Variants in CIITA observed in about 807,000 individuals in gnomAD.
CIITA encodes the protein MHC class II transactivator.
CIITA carries 72 observed loss-of-function variants against 115.1 expected under a neutral mutation model. The observed-to-expected ratio is 0.63, with a 90% confidence interval of 0.52 to 0.76. The LOEUF (loss-of-function observed/expected upper bound fraction) is 0.76, where lower values mean the gene tolerates loss of function less well. Among genes scored for constraint, CIITA ranks in the 30% least tolerant of loss-of-function variants. The pLI is 0.00. For synonymous variants in CIITA, 763 were observed against 635.6 expected, an observed-to-expected ratio of 1.20 and a Z score of -3.02; for missense variants, 1,617 against 1,463.8, an observed-to-expected ratio of 1.10 and a Z score of -1.71.
At chr16:10,889,817 C>G (rs371787826) in intron 1 of CIITA, among the ~76,000 whole-genome samples, 2 of 152,196 alleles carry the variant, frequency 1.3e-5, no homozygotes, top group African/African-American at 4.8e-5. Context: ...TTCTCCAGAA[C>G]TAATATTGGG....
In CIITA at chr16:10,903,803, A is replaced by G; in HGVS notation, c.845A>G (p.Asp282Gly). 1 of 1,614,046 alleles carries G rather than the reference A, an allele frequency of 6.2e-7. No individual in the cohort carries two copies. The highest frequency in any genetic ancestry group is 1.1e-5 in the South Asian group (1 of 91,068). ...FTVHGLPTSPDRPGSTSPFAP... is the reference protein window; with the variant it reads ...FTVHGLPTSPGRPGSTSPFAP... ...GTCCACGGCCTCCCAACATCTCCAGACCGGCCAGGCTCCACCAGCCCCTTC... is the reference window on the plus strand; with the variant it reads ...GTCCACGGCCTCCCAACATCTCCAGGCCGGCCAGGCTCCACCAGCCCCTTC... Residue 282 changes from aspartate (D) to glycine (G), a missense_variant, in exon 9 of 20, where the codon GAC becomes GGC. Coordinates refer to ENST00000324288, the MANE Select transcript of CIITA (RefSeq NM_000246.4).
At chr16:10,909,303 AT>A in intron 12 of CIITA, 116 bp downstream of exon 12, 1 of 1,089,266 alleles carries the variant, frequency 9.2e-7, no homozygotes, top group East Asian at 2.5e-5. Flanking sequence ...GGGACACCCC[AT>A]GCCCTCTTTC....
chr16:10,900,121 C>T (rs2038570144), intron 5 of CIITA, among the ~76,000 whole-genome samples: 1 of 152,092 alleles, frequency 6.6e-6, no homozygotes, highest in African/African-American at 2.4e-5. Flanking sequence ...AAAAAAAAAT[C>T]TCCCTCCCAC....
In CIITA at chr16:10,934,274, A is replaced by AT. The variant is rs2040928189; in HGVS notation, c.*10425dup. 6.6e-6 allele frequency: 1 copy of AT among 152,204 alleles called. No individual in the cohort carries two copies. The highest frequency in any genetic ancestry group is 2.1e-4 in the South Asian group (1 of 4,822). The allele number at this position is 152,204 out of a possible 1,614,324, so 9.4% of individuals were successfully genotyped here. ...AAACCAATGTACTTTTTAAACTCCA[A>AT]TTTTTTAATAAGATCATTTATGTCA... On this transcript the variant is annotated 3_prime_UTR_variant, in exon 20 of 20. Coordinates refer to ENST00000324288, the MANE Select transcript of CIITA (RefSeq NM_000246.4). The surrounding 1 kb of genome is among the most constrained non-coding windows in gnomAD (Gnocchi z 4.2).
chr16:10,868,166 G>A (rs1401136950), intron 1 of CIITA, among the ~76,000 whole-genome samples: 1 of 152,136 alleles, frequency 6.6e-6, no homozygotes, highest in African/African-American at 2.4e-5. Context: ...GCCAGAAACA[G>A]CCTAAGCGCA....
intron 13 of CIITA, 152 bp from the exon 14 acceptor site, chr16:10,915,418 G>A: frequency 1.4e-6 from 1 of 699,494 alleles, no homozygotes; most frequent in Non-Finnish European, 2.6e-6. Context: ...CTACGTGGAA[G>A]GGTTGCAGGG....
chr16:10,906,411 A>C, intron 10 of CIITA, 88 bp from the exon 11 acceptor site: 1 of 1,415,268 alleles, frequency 7.1e-7, no homozygotes, highest in Non-Finnish European at 9.9e-7. Flanking sequence ...ACAGATGTAA[A>C]TGATGGTGGC....
chr16:10,866,546 G>A, intron 1 of CIITA: 1 of 548,906 alleles, frequency 1.8e-6, no homozygotes, highest in Non-Finnish European at 3.6e-6. Context: ...GCAGCCGAGA[G>A]GGGCCCCGGC....
In CIITA at chr16:10,934,662, C is replaced by A. The variant is rs751129176; in HGVS notation, c.*10807C>A. 1 of 152,180 alleles carries A rather than the reference C, an allele frequency of 6.6e-6. No homozygotes were observed. The highest frequency in any genetic ancestry group is 2.1e-4 in the South Asian group (1 of 4,826). The allele number at this position is 152,180 out of a possible 1,614,324, so 9.4% of individuals were successfully genotyped here. A position where few individuals can be genotyped will look rare whatever the true frequency, so the allele number is the denominator to read the frequency against. On this transcript the variant is annotated 3_prime_UTR_variant, in exon 20 of 20. Coordinates refer to ENST00000324288, the MANE Select transcript of CIITA (RefSeq NM_000246.4). The surrounding 1 kb of genome is among the most constrained non-coding windows in gnomAD (Gnocchi z 4.2). Reference sequence around the variant, plus strand: ...CCTGGTCTAATGGAACCCTCCTTGGCGGCTTCACAGGGTGATGCTTGGGGC... The same window carrying A: ...CCTGGTCTAATGGAACCCTCCTTGGAGGCTTCACAGGGTGATGCTTGGGGC...
In CIITA at chr16:10,902,048, C is replaced by G. The variant is rs142478532; in HGVS notation, c.492C>G (p.Pro164=). Residue 164 remains proline (P), a synonymous_variant, in exon 7 of 20, where the codon CCC becomes CCG. Transcript: ENST00000324288. ...CCCACTTCCTCACAGCTGAGCCCCCCACTGTGGTGACTGGCAGTCTCCTAG... is the reference window on the plus strand; with the variant it reads ...CCCACTTCCTCACAGCTGAGCCCCCGACTGTGGTGACTGGCAGTCTCCTAG... ...DLKHWKPAEP[P]TVVTGSLLVG... The G allele has an allele frequency of 3.1e-6, 5 of 1,614,020 alleles. No individual in the cohort carries two copies. The Admixed American group carries it at 6.7e-5, about 22-fold the overall frequency.
In CIITA at chr16:10,923,819, A is replaced by G. The variant is rs924272597; in HGVS notation, c.*23-59A>G. ...CTTGATAGCACCCTTCCCAGGTGTCAAGCTGCCCCTCCTAGAGTGTCCTGC... is the reference window on the plus strand; with the variant it reads ...CTTGATAGCACCCTTCCCAGGTGTCGAGCTGCCCCTCCTAGAGTGTCCTGC... On this transcript the variant is annotated intron_variant, in intron 19 of 19. Transcript: ENST00000324288. The surrounding 1 kb of genome is among the most constrained non-coding windows in gnomAD (Gnocchi z 5.2). 1.7e-5 allele frequency: 3 copies of G among 179,708 alleles called. No individual in the cohort carries two copies. Among genetic ancestry groups the G allele is most frequent in the African/African-American group, 7.1e-5 (3 of 42,166 alleles). The allele number at this position is 179,708 out of a possible 1,614,324, so 11.1% of individuals were successfully genotyped here.
intron 5 of CIITA, among the ~76,000 whole-genome samples, chr16:10,900,181 G>T (rs990199063): frequency 6.6e-6 from 1 of 152,086 alleles, no homozygotes; most frequent in Non-Finnish European, 1.5e-5. Context: ...CAACCTATGT[G>T]ACCAGCTTCC....
chr16:10,910,433 G>C (rs2039482934), intron 13 of CIITA, among the ~76,000 whole-genome samples, 174 bp downstream of exon 13: 1 of 152,208 alleles, frequency 6.6e-6, no homozygotes, highest in African/African-American at 2.4e-5. Context: ...GCAAATGCTG[G>C]AGGTTCTCAG....
rs2039384677 is a variant in CIITA at position 10,909,173 on chromosome 16, T to C, written c.2802T>C (p.Leu934=). The part of the protein sequence containing the change: ...SLKDVEDLGK[L]VQTQRTRSSS... ...AGGATGTGGAAGACCTGGGAAAGCT[T>C]GTGCAGACTCAGAGGTGAGAGGAGA... Residue 934 remains leucine, a synonymous_variant, in exon 12 of 20, where the codon CTT becomes CTC. Coordinates refer to ENST00000324288, the MANE Select transcript of CIITA (RefSeq NM_000246.4). 6.2e-7 allele frequency: 1 copy of C among 1,614,070 alleles called. No individual in the cohort carries two copies. Among genetic ancestry groups the C allele is most frequent in the Non-Finnish European group, 8.5e-7 (1 of 1,180,038 alleles).
downstream of CIITA, chr16:10,941,383 G>C (rs1388274314): frequency 2.9e-6 from 1 of 340,166 alleles, no homozygotes; most frequent in African/African-American, 2.2e-5. The surrounding 1 kb of genome is among the most constrained non-coding windows in gnomAD (Gnocchi z 6.4). Flanking sequence ...CCCTTTGCTG[G>C]AGGAAGCTTT....
rs2040538381 is a variant in CIITA at position 10,926,557 on chromosome 16, G to A, written c.*2702G>A. 1 of 152,184 alleles carries A rather than the reference G, an allele frequency of 6.6e-6. No individual in the cohort carries two copies. Among genetic ancestry groups the A allele is most frequent in the Non-Finnish European group, 1.5e-5 (1 of 68,046 alleles). 9.4% of individuals were successfully genotyped at this position (152,184 alleles called of 1,614,324 possible). On this transcript the variant is annotated 3_prime_UTR_variant, in exon 20 of 20. Coordinates refer to ENST00000324288, the MANE Select transcript of CIITA (RefSeq NM_000246.4). ...GTTTATTATTTTATTTAATTTTTTTGAGACAGAGTTTTCACTCTTATTGCC... is the reference window on the plus strand; with the variant it reads ...GTTTATTATTTTATTTAATTTTTTTAAGACAGAGTTTTCACTCTTATTGCC...
rs2039956349 is a variant in CIITA, at chr16:10,916,445, C to G, written c.3048C>G (p.Ser1016=). ...QLSATFPQLK[S]LETLNLSQNN... ...CAGCCACCTTCCCCCAGCTGAAGTC[C>G]TTGGAAACCCTCAAGTGAGTGAGCT... Residue 1016 remains serine, a synonymous_variant, in exon 15 of 20, where the codon TCC becomes TCG. Transcript: ENST00000324288. 6.2e-7 allele frequency: 1 copy of G among 1,612,210 alleles called. No individual in the cohort carries two copies. The highest frequency in any genetic ancestry group is 1.1e-5 in the South Asian group (1 of 90,650).
At position 10,916,517 on chromosome 16, in the gene CIITA, T is replaced by A. The variant is rs992202759; in HGVS notation, c.3062+58T>A. The A allele has an allele frequency of 4.2e-6, 6 of 1,444,070 alleles. No individual in the cohort carries two copies. The African/African-American group carries it at 8.5e-5, about 20-fold the overall frequency. 89.5% of individuals were successfully genotyped at this position (1,444,070 alleles called of 1,614,324 possible). The stretch of plus-strand genomic sequence containing the variant: ...TCGGGCCCCCAAAGTCCGGCTGACT[T>A]TTTCAAAATTAATTTAAATTTGTTT... On this transcript the variant is annotated intron_variant, in intron 15 of 19. Transcript: ENST00000324288.
At chr16:10,891,239 T>TG (rs921921090) in intron 1 of CIITA, among the ~76,000 whole-genome samples, 25 of 131,792 alleles carry the variant, frequency 1.9e-4, no homozygotes, top group African/African-American at 6.3e-4. Context: ...ACATTTTGAC[T>TG]GGGGGGAAAG....
Sources: gnomAD v4.1 joint callset for allele counts (sites outside exome capture counted in the v4.1 genomes callset) on GRCh38, gnomAD v4.1.1 for gene constraint, Gnocchi (gnomAD v3.1) non-coding constraint, MANE v1.5 for transcripts, NCBI Gene and HGNC (gene_info 2026-07-23, HGNC 2026-07-21) for gene names.